LARGE1: variants seen among roughly 807,000 people sequenced by gnomAD.
LARGE1 encodes the protein LARGE xylosyl- and glucuronyltransferase 1.
LARGE1 carries 43 observed loss-of-function variants against 87.6 expected under a neutral mutation model. The ratio of observed to expected loss-of-function variants is 0.49; its 90% CI spans 0.38 to 0.63. LARGE1 has a LOEUF of 0.63. Among genes scored for constraint, LARGE1 ranks in the 30% least tolerant of loss-of-function variants. LARGE1 has a pLI of 0.00. For missense variants in LARGE1, 802 were observed against 1,000.2 expected (o/e 0.80, Z 2.67); for synonymous variants, 434 against 394.6 (o/e 1.10, Z -1.18).
intron 7 of LARGE1, among the ~76,000 whole-genome samples, chr22:33,407,085 G>A (rs1006145583): frequency 2.0e-5 from 3 of 152,130 alleles, no homozygotes; most frequent in Non-Finnish European, 2.9e-5. Flanking sequence ...GAGCCACCAC[G>A]CCTGGCTGAA....
intron 1 of LARGE1, among the ~76,000 whole-genome samples, chr22:33,865,083 T>A (rs1457214056): frequency 6.6e-6 from 1 of 152,216 alleles, no homozygotes; most frequent in Non-Finnish European, 1.5e-5. Flanking sequence ...TACTGCTGAC[T>A]TCTACTGTGG....
chr22:33,792,658 CA>C lies in LARGE1; in HGVS notation c.-82-31101del, dbSNP rs552108346. Among the ~76,000 whole-genome samples, 12 of 152,006 alleles carry C rather than the reference CA, an allele frequency of 7.9e-5. No individual in the cohort carries two copies. The South Asian group carries it at 2.5e-3, about 32-fold the overall frequency. Reference sequence around the variant, plus strand: ...AGACAACGTTACAAACCAGAATAATCAAGTCACATATTCAAAACAAAAAAAA... The same window carrying C: ...AGACAACGTTACAAACCAGAATAATCAGTCACATATTCAAAACAAAAAAAA... On this transcript the variant is annotated intron_variant, in intron 1 of 14. Transcript: ENST00000397394.
intron 5 of LARGE1, among the ~76,000 whole-genome samples, chr22:33,568,430 A>G (rs1038436443): frequency 6.6e-5 from 10 of 152,210 alleles, no homozygotes; most frequent in South Asian, 2.1e-4. Context: ...CGAGTCATAC[A>G]GTTAACACAA....
chr22:33,579,958 G>A (rs1290488903), intron 5 of LARGE1, among the ~76,000 whole-genome samples: 1 of 152,182 alleles, frequency 6.6e-6, no homozygotes, highest in Non-Finnish European at 1.5e-5. Flanking sequence ...AATCCCCTGG[G>A]AATATTTAAG....
At chr22:33,413,283 T>C (rs1348705240) in intron 7 of LARGE1, among the ~76,000 whole-genome samples, 1 of 152,074 alleles carries the variant, frequency 6.6e-6, no homozygotes, top group Non-Finnish European at 1.5e-5. Context: ...ATTTTTAACT[T>C]CTACTCCTAC....
In LARGE1 at chr22:33,369,991, C is replaced by G. The variant is rs944154386; in HGVS notation, c.1131+11928G>C. On this transcript the variant is annotated intron_variant, in intron 9 of 14. Coordinates refer to ENST00000397394, the MANE Select transcript of LARGE1 (RefSeq NM_133642.5). ...AAATAAATGGCTTTACATATTACAA[C>G]AGCTCCAAAGTAACCAACAACCTAG... 9.2e-5 allele frequency among the ~76,000 whole-genome samples: 14 copies of G among 151,624 alleles called. No homozygotes were observed. In the South Asian group the frequency reaches 2.9e-3, roughly 32 times the overall value.
intron 7 of LARGE1, among the ~76,000 whole-genome samples, chr22:33,427,018 C>T (rs890485107): frequency 6.6e-6 from 1 of 152,146 alleles, no homozygotes; most frequent in African/African-American, 2.4e-5. Flanking sequence ...ATGTTTAGCC[C>T]TCCTTCCCCT....
intron 5 of LARGE1, among the ~76,000 whole-genome samples, chr22:33,579,521 G>A (rs537343820): frequency 6.6e-6 from 1 of 152,298 alleles, no homozygotes; most frequent in South Asian, 2.1e-4. Context: ...GTCCTGAGCA[G>A]GAGCCAAGTG....
At position 33,805,005 on chromosome 22, in the gene LARGE1, A is replaced by G. The variant is rs1056131589; in HGVS notation, c.-82-43447T>C. On this transcript the variant is annotated intron_variant, in intron 1 of 14. Transcript: ENST00000397394. Reference sequence around the variant, plus strand: ...GCACCACTCATTCAATAAGACTGAAACTGAACTCCTAATGTTCTCTCCCAA... The same window carrying G: ...GCACCACTCATTCAATAAGACTGAAGCTGAACTCCTAATGTTCTCTCCCAA... Among the ~76,000 whole-genome samples the G allele has an allele frequency of 4.6e-5, 7 of 152,300 alleles. No individual in the cohort carries two copies. In the South Asian group the frequency reaches 6.2e-4, roughly 14 times the overall value.
At chr22:33,777,779 A>G (rs2145867817) in intron 1 of LARGE1, among the ~76,000 whole-genome samples, 1 of 152,314 alleles carries the variant, frequency 6.6e-6, no homozygotes, top group South Asian at 2.1e-4. Context: ...GGCCGAGCAC[A>G]AGAACGGCTT....
At chr22:33,756,234 G>A (rs997213566) in intron 2 of LARGE1, among the ~76,000 whole-genome samples, 1 of 152,102 alleles carries the variant, frequency 6.6e-6, no homozygotes, top group African/African-American at 2.4e-5. Flanking sequence ...GGGCACATGT[G>A]TTCGTTCACT....
At chr22:33,374,076 G>A (rs919628314) in intron 9 of LARGE1, among the ~76,000 whole-genome samples, 2 of 151,446 alleles carry the variant, frequency 1.3e-5, no homozygotes, top group African/African-American at 4.9e-5. Flanking sequence ...TTGACATGTC[G>A]GAATTATCCC....
chr22:33,528,762 C>T (rs926853929), intron 6 of LARGE1, among the ~76,000 whole-genome samples: 1 of 152,188 alleles, frequency 6.6e-6, no homozygotes, highest in African/African-American at 2.4e-5. Flanking sequence ...TTGACACTGA[C>T]ACCCCCAACC....
At chr22:33,660,827 C>G (rs1007027724) in intron 2 of LARGE1, among the ~76,000 whole-genome samples, 1 of 152,102 alleles carries the variant, frequency 6.6e-6, no homozygotes, top group African/African-American at 2.4e-5. Flanking sequence ...TAGCAGCACT[C>G]AAGATGAAAG....
intron 3 of LARGE1, among the ~76,000 whole-genome samples, chr22:33,628,573 C>T (rs1212212939): frequency 1.3e-5 from 2 of 152,158 alleles, no homozygotes; most frequent in Non-Finnish European, 2.9e-5. Flanking sequence ...ACCTTGACCT[C>T]CCAAAGTGCT....
intron 6 of LARGE1, among the ~76,000 whole-genome samples, chr22:33,513,812 T>TACACACACACACACACACACAC (rs56262022): frequency 6.3e-5 from 9 of 143,180 alleles, no homozygotes; most frequent in Admixed American, 2.8e-4. Context: ...AGAGCTGATG[T>TACACACACACACACACACACAC]ACACACACAC....
chr22:33,417,649 C>T (rs1431791914), intron 7 of LARGE1, among the ~76,000 whole-genome samples: 2 of 152,172 alleles, frequency 1.3e-5, no homozygotes, highest in Non-Finnish European at 2.9e-5. Flanking sequence ...TGATTAGAGT[C>T]TTGCAAGACC....
Position 33,626,280 on chromosome 22 carries a change from TC to T in LARGE1, c.454del (p.Asp152MetfsTer71). On this transcript the variant is annotated frameshift_variant, in exon 4 of 15. Transcript: ENST00000397394. LOFTEE classifies it high-confidence loss of function. ...GACGGATTTGACCAGGGTGACGACA[TC>T]CCGGCTGGCATTGTATCCGGCGCAG... Reference protein sequence around the residue: ...IVCAGYNASRDVVTLVKSVLF... With the variant: ...IVCAGYNASRXVVTLVKSVLF... 1 of 1,614,114 alleles carries T rather than the reference TC, an allele frequency of 6.2e-7. No homozygotes were observed. Among genetic ancestry groups the T allele is most frequent in the African/African-American group, 1.3e-5 (1 of 75,032 alleles).
intron 11 of LARGE1, chr22:33,305,642 G>A: frequency 1.0e-6 from 1 of 974,836 alleles, no homozygotes; most frequent in Non-Finnish European, 1.2e-6. Context: ...AAAAGGAAAT[G>A]GGCACACCTA....
Sources: gnomAD v4.1 joint callset for allele counts (sites outside exome capture counted in the v4.1 genomes callset) on GRCh38, gnomAD v4.1.1 for gene constraint, MANE v1.5 for transcripts, NCBI Gene and HGNC (gene_info 2026-07-23, HGNC 2026-07-21) for gene names.